ENOX1: variants seen among roughly 807,000 people sequenced by gnomAD.
ENOX1 encodes the protein ecto-NOX disulfide-thiol exchanger 1, also known as candidate growth-related and time keeping constitutive hydroquinone (NADH) oxidase.
In ENOX1, 42 loss-of-function variants were observed where a neutral mutation model predicts 82.5. That is an observed-to-expected ratio of 0.51 (90% CI 0.40 to 0.66). The LOEUF (loss-of-function observed/expected upper bound fraction) is 0.66. ENOX1 is among the 30% of genes least tolerant of loss of function. The pLI, the probability that ENOX1 is intolerant of heterozygous loss-of-function variation, is 0.00. For synonymous variants in ENOX1, 271 were observed against 282.2 expected (o/e 0.96, Z 0.40); for missense variants, 608 against 811.6 (o/e 0.75, Z 3.05).
chr13:43,284,563 G>C (rs1403716583), intron 12 of ENOX1, among the ~76,000 whole-genome samples: 1 of 152,126 alleles, frequency 6.6e-6, no homozygotes, highest in Non-Finnish European at 1.5e-5. Flanking sequence ...CAGTTGTCTG[G>C]TGGGTCAGCA....
intron 9 of ENOX1, among the ~76,000 whole-genome samples, chr13:43,329,700 T>C (rs952453535): frequency 2.0e-5 from 3 of 152,082 alleles, no homozygotes; most frequent in African/African-American, 4.8e-5. Flanking sequence ...ACTTATACAC[T>C]TTTTTTCCCT....
At chr13:43,496,943 A>C (rs1464305097) in intron 2 of ENOX1, among the ~76,000 whole-genome samples, 1 of 152,106 alleles carries the variant, frequency 6.6e-6, no homozygotes, top group African/African-American at 2.4e-5. Flanking sequence ...TTTTAGAACC[A>C]ATTTATTAAT....
At chr13:43,362,010 T>C (rs1337478694) in intron 5 of ENOX1, among the ~76,000 whole-genome samples, 2 of 151,712 alleles carry the variant, frequency 1.3e-5, no homozygotes, top group Non-Finnish European at 1.5e-5. Flanking sequence ...CAAAGAGTGA[T>C]TACAATTACT....
chr13:43,236,584 A>G, intron 15 of ENOX1, 52 bp downstream of exon 15: 4 of 1,099,744 alleles, frequency 3.6e-6, no homozygotes, highest in South Asian at 3.1e-5. Context: ...TATTAAGTTA[A>G]TTACCTAATA....
chr13:43,655,135 G>A (rs1012355136), intron 2 of ENOX1, among the ~76,000 whole-genome samples: 2 of 152,036 alleles, frequency 1.3e-5, no homozygotes, highest in African/African-American at 2.4e-5. Context: ...TTCCTACCGC[G>A]CTCCTTATTT....
intron 12 of ENOX1, among the ~76,000 whole-genome samples, chr13:43,271,358 A>G (rs1310624466): frequency 6.6e-6 from 1 of 152,150 alleles, no homozygotes; most frequent in African/African-American, 2.4e-5. Context: ...ACTGCTCAGC[A>G]AAAAATACAT....
intron 2 of ENOX1, among the ~76,000 whole-genome samples, chr13:43,648,940 G>A (rs1389903267): frequency 6.6e-6 from 1 of 152,178 alleles, no homozygotes; most frequent in African/African-American, 2.4e-5. Context: ...AGCGACACTG[G>A]CTCTGAAACC....
At chr13:43,580,605 G>A (rs1467091389) in intron 2 of ENOX1, among the ~76,000 whole-genome samples, 1 of 152,170 alleles carries the variant, frequency 6.6e-6, no homozygotes, top group African/African-American at 2.4e-5. Flanking sequence ...TTAAGCTGTT[G>A]CAAATCCTAT....
intron 2 of ENOX1, among the ~76,000 whole-genome samples, chr13:43,571,023 G>A (rs1449672793): frequency 6.6e-6 from 1 of 152,124 alleles, no homozygotes; most frequent in Non-Finnish European, 1.5e-5. Flanking sequence ...TTCTTCTTGG[G>A]AAGGAATAAT....
Position 43,734,580 on chromosome 13 carries a change from A to G in ENOX1, c.-285+52072T>C, listed in dbSNP as rs145745811. ...GCAACAAGGCAAATCCAAAAGGACC[A>G]GCAAGCAACTTTTCACTCTCGTCAT... On this transcript the variant is annotated intron_variant, in intron 1 of 16. Coordinates refer to ENST00000690772, the MANE Select transcript of ENOX1 (RefSeq NM_001347969.2). Among the ~76,000 whole-genome samples the G allele has an allele frequency of 6.1e-3, 933 of 152,350 alleles. 5 individuals are homozygous for G. Among genetic ancestry groups the G allele is most frequent in the African/African-American group, 0.021 (888 of 41,568 alleles).
intron 1 of ENOX1, among the ~76,000 whole-genome samples, chr13:43,763,979 A>G (rs1951130732): frequency 6.6e-6 from 1 of 152,236 alleles, no homozygotes; most frequent in Non-Finnish European, 1.5e-5. Context: ...TGATTCCTGA[A>G]GAATCCCAAA....
intron 3 of ENOX1, among the ~76,000 whole-genome samples, chr13:43,446,769 C>T (rs1307798934): frequency 6.6e-6 from 1 of 152,194 alleles, no homozygotes; most frequent in Non-Finnish European, 1.5e-5. Context: ...CCCAAATTGT[C>T]CTTAACTCCC....
intron 1 of ENOX1, among the ~76,000 whole-genome samples, chr13:43,718,530 A>G (rs1415197322): frequency 6.6e-6 from 1 of 152,020 alleles, no homozygotes; most frequent in East Asian, 1.9e-4. Context: ...CCTTTCATCT[A>G]TAATAAAAAT....
At chr13:43,549,933 C>T (rs2079120190) in intron 2 of ENOX1, among the ~76,000 whole-genome samples, 2 of 152,158 alleles carry the variant, frequency 1.3e-5, no homozygotes, top group South Asian at 4.1e-4. Flanking sequence ...CTTTTTGGCA[C>T]CAGGGACCAG....
chr13:43,609,420 T>C (rs2082107840), intron 2 of ENOX1, among the ~76,000 whole-genome samples: 1 of 152,236 alleles, frequency 6.6e-6, no homozygotes, highest in South Asian at 2.1e-4. Flanking sequence ...ATTTTGTAAG[T>C]AATTTATGTT....
chr13:43,423,876 C>G (rs1395428701), intron 3 of ENOX1, among the ~76,000 whole-genome samples: 1 of 152,164 alleles, frequency 6.6e-6, no homozygotes, highest in Non-Finnish European at 1.5e-5. Flanking sequence ...CATTCACATT[C>G]TAAAAGTTCT....
chr13:43,406,469 T>C (rs796497861), intron 5 of ENOX1, among the ~76,000 whole-genome samples: 12 of 150,928 alleles, frequency 8.0e-5, no homozygotes, highest in African/African-American at 2.4e-4. Context: ...TGGCTCTATG[T>C]AGTTAATTGG....
At chr13:43,630,846 C>CATAT (rs750617533) in intron 2 of ENOX1, among the ~76,000 whole-genome samples, 3 of 139,536 alleles carry the variant, frequency 2.1e-5, no homozygotes, top group South Asian at 2.3e-4. Context: ...CACACACACA[C>CATAT]ATATATATAT....
intron 2 of ENOX1, among the ~76,000 whole-genome samples, chr13:43,635,992 C>T (rs999768440): frequency 2.0e-5 from 3 of 152,136 alleles, no homozygotes; most frequent in Non-Finnish European, 2.9e-5. Context: ...TCTGGGGAAA[C>T]GCAGCCCCAA....
Sources: allele counts gnomAD v4.1 joint callset (sites outside exome capture counted in the v4.1 genomes callset), GRCh38; gene constraint gnomAD v4.1.1; transcripts MANE v1.5; gene names NCBI Gene and HGNC (gene_info 2026-07-23, HGNC 2026-07-21).